The following ANK3 variants were observed in gnomAD, a reference collection of about 807,000 sequenced individuals.
ANK3 encodes the protein ankyrin 3, also known as ankyrin-3.
In ANK3, 57 loss-of-function variants were observed where a neutral mutation model predicts 370.9. The ratio of observed to expected loss-of-function variants is 0.15; its 90% CI spans 0.12 to 0.19. The LOEUF (loss-of-function observed/expected upper bound fraction) is 0.19. Among genes scored for constraint, ANK3 ranks in the 10% least tolerant of loss-of-function variants. The pLI, the probability that ANK3 is intolerant of heterozygous loss-of-function variation, is 1.00. For synonymous variants in ANK3, 1,929 were observed against 1,946.3 expected, an observed-to-expected ratio of 0.99 and a Z score of 0.23; for missense variants, 4,439 against 5,302.1, an observed-to-expected ratio of 0.84 and a Z score of 5.06.
intron 24 of ANK3, among the ~76,000 whole-genome samples, chr10:60,136,519 T>C (rs1014793564): frequency 2.6e-5 from 4 of 152,174 alleles, no homozygotes; most frequent in Non-Finnish European, 5.9e-5. Context: ...AACAGTTTTC[T>C]ATGTAGACAA....
At chr10:60,674,401 A>G (rs1346317517) in intron 1 of ANK3, among the ~76,000 whole-genome samples, 2 of 152,202 alleles carry the variant, frequency 1.3e-5, no homozygotes, top group South Asian at 2.1e-4. Flanking sequence ...AGGTAAAGGG[A>G]AAAACAGGCA....
At chr10:60,648,136 C>A (rs1176059816) in intron 1 of ANK3, among the ~76,000 whole-genome samples, 7 of 145,340 alleles carry the variant, frequency 4.8e-5, no homozygotes, top group Admixed American at 2.1e-4. Flanking sequence ...TGAGCCACTG[C>A]GGCCAGCCTC....
intron 16 of ANK3, among the ~76,000 whole-genome samples, chr10:60,187,379 T>A (rs1290345577): frequency 6.6e-6 from 1 of 152,026 alleles, no homozygotes; most frequent in African/African-American, 2.4e-5. Context: ...ATGGTCTCCA[T>A]CTCCTGACCT....
intron 2 of ANK3, among the ~76,000 whole-genome samples, chr10:60,538,335 T>C (rs1338449742): frequency 4.0e-5 from 6 of 151,834 alleles, no homozygotes; most frequent in Non-Finnish European, 5.9e-5. Context: ...TAGTCAGGTG[T>C]ACAAAAATCT....
intron 1 of ANK3, among the ~76,000 whole-genome samples, chr10:60,363,013 C>A (rs1413323194): frequency 6.6e-6 from 1 of 150,986 alleles, no homozygotes; most frequent in Non-Finnish European, 1.5e-5. Context: ...TCTTTTGCTA[C>A]CCTTTCCAGC....
At chr10:60,102,969 T>C (rs78409213) in intron 28 of ANK3, among the ~76,000 whole-genome samples, 1 of 152,106 alleles carries the variant, frequency 6.6e-6, no homozygotes, top group Admixed American at 6.6e-5. Flanking sequence ...TTTTTTTTTT[T>C]CTGAGACAAA....
Position 60,104,095 on chromosome 10 carries a change from G to C in ANK3, c.3328+1810C>G, listed in dbSNP as rs149672750. Among the ~76,000 whole-genome samples the C allele has an allele frequency of 8.0e-3, 1,214 of 152,186 alleles. 8 individuals carry two copies. Among genetic ancestry groups the C allele is most frequent in the Middle Eastern group, 0.027 (8 of 294 alleles). ...CCTACTTGAAGGTGGAGGGTAGGAGGAGTGAGAGGATCACAAAAAGTAACT... is the reference window on the plus strand; with the variant it reads ...CCTACTTGAAGGTGGAGGGTAGGAGCAGTGAGAGGATCACAAAAAGTAACT... On this transcript the variant is annotated intron_variant, in intron 28 of 43. Coordinates refer to ENST00000280772, the MANE Select transcript of ANK3 (RefSeq NM_020987.5).
At chr10:60,638,696 C>T (rs2078589032) in intron 1 of ANK3, among the ~76,000 whole-genome samples, 1 of 151,580 alleles carries the variant, frequency 6.6e-6, no homozygotes, top group African/African-American at 2.4e-5. Flanking sequence ...ATATAAACAC[C>T]CAGATAAAAT....
At position 60,200,825 on chromosome 10, in the gene ANK3, G is replaced by A. The variant is rs2096662372; in HGVS notation, c.1393-598C>T. 3.9e-5 allele frequency among the ~76,000 whole-genome samples: 6 copies of A among 152,292 alleles called. No individual in the cohort carries two copies. The South Asian group carries it at 1.2e-3, about 32-fold the overall frequency. ...GCTGGATTTGGCTTGTCAACAGCCG[G>A]TTTGCATTTCTTGTTTTATCTGAAC... On this transcript the variant is annotated intron_variant, in intron 12 of 43. Transcript: ENST00000280772.
rs148024054 is a variant in ANK3 at position 60,076,055 on chromosome 10, G to C, written c.4826C>G (p.Thr1609Arg). 1 of 1,614,064 alleles carries C rather than the reference G, an allele frequency of 6.2e-7. No individual in the cohort carries two copies. The highest frequency in any genetic ancestry group is 1.3e-5 in the African/African-American group (1 of 74,942). Residue 1609 changes from threonine (T) to arginine (R), a missense_variant, in exon 37 of 44, where the codon ACG (threonine) becomes AGG (arginine). This residue lies in a region of ANK3 where 679 missense variants were observed against 791.0 expected (regional missense o/e 0.86). Coordinates refer to ENST00000280772, the MANE Select transcript of ANK3 (RefSeq NM_020987.5). Reference sequence around the variant, plus strand: ...ATTGGATGCCAGCCCTTTTAAGGGCGTAGCTTCCGTGACTGCTGGAGCTCT... The same window carrying C: ...ATTGGATGCCAGCCCTTTTAAGGGCCTAGCTTCCGTGACTGCTGGAGCTCT... ...LARAPAVTEA[T>R]PLKGLASNST...
chr10:60,051,183 C>G (rs1002247001), intron 42 of ANK3, among the ~76,000 whole-genome samples: 4 of 152,252 alleles, frequency 2.6e-5, no homozygotes, highest in East Asian at 1.9e-4. Flanking sequence ...AATCTTTGCT[C>G]ATTCACATAA....
intron 2 of ANK3, among the ~76,000 whole-genome samples, chr10:60,546,126 C>T (rs1461598887): frequency 6.6e-6 from 1 of 152,154 alleles, no homozygotes; most frequent in East Asian, 1.9e-4. Context: ...GCCTCAAATT[C>T]CTGGGCTCAA....
intron 1 of ANK3, among the ~76,000 whole-genome samples, chr10:60,667,205 ATATTATATTATATT>A (rs2079008921): frequency 7.7e-6 from 1 of 129,188 alleles, no homozygotes; most frequent in Admixed American, 7.7e-5. Context: ...ATATTATATT[ATATTATATTATATT>A]AATTATATTG....
At chr10:60,378,893 A>G (rs2061167832) in intron 1 of ANK3, among the ~76,000 whole-genome samples, 1 of 152,098 alleles carries the variant, frequency 6.6e-6, no homozygotes, top group Non-Finnish European at 1.5e-5. Context: ...GAAAAAAAAA[A>G]TAAAAAACAA....
At chr10:60,703,668 C>G (rs548417958) in intron 1 of ANK3, among the ~76,000 whole-genome samples, 1 of 151,888 alleles carries the variant, frequency 6.6e-6, no homozygotes, top group Non-Finnish European at 1.5e-5. Flanking sequence ...TCAAAAATAC[C>G]GAAAAGCATA....
At chr10:60,178,495 G>A (rs538164308) in intron 18 of ANK3, among the ~76,000 whole-genome samples, 5 of 152,132 alleles carry the variant, frequency 3.3e-5, no homozygotes, top group South Asian at 2.1e-4. Flanking sequence ...AATAGTACCC[G>A]GCATAGAGAA....
rs111915003 is a variant in ANK3 at position 60,425,399 on chromosome 10, T to A, written c.97-145760A>T. Among the ~76,000 whole-genome samples the A allele has an allele frequency of 2.9e-3, 444 of 152,252 alleles. 2 individuals carry two copies. The highest frequency in any genetic ancestry group is 0.01 in the African/African-American group (421 of 41,560). ...TCGGAAGAAATATTGGAATACGTAG[T>A]GATTCTGTTTCCCTTTCCACTTCTA... On this transcript the variant is annotated intron_variant, in intron 2 of 43. Coordinates refer to the ANK3 transcript ENST00000373827.
chr10:60,698,930 T>A (rs1331715716), intron 1 of ANK3, among the ~76,000 whole-genome samples: 10 of 137,278 alleles, frequency 7.3e-5, no homozygotes, highest in Admixed American at 5.9e-4. Flanking sequence ...TAAAGAAAAA[T>A]AAATAAATAA....
intron 1 of ANK3, chr10:60,300,474 G>A: frequency 7.8e-7 from 1 of 1,279,614 alleles, no homozygotes; most frequent in Non-Finnish European, 1.0e-6. Context: ...TAGGAAGGAG[G>A]TAGGAGCTGG....
Sources: allele counts gnomAD v4.1 joint callset (sites outside exome capture counted in the v4.1 genomes callset), GRCh38; gene constraint gnomAD v4.1.1; regional missense constraint gnomAD v4.1.1; transcripts MANE v1.5; gene names NCBI Gene and HGNC (gene_info 2026-07-23, HGNC 2026-07-21).